The following KATNAL1 variants were observed in gnomAD, a reference collection of about 807,000 sequenced individuals.
The protein encoded by KATNAL1 is katanin catalytic subunit A1 like 1.
In KATNAL1, 32 loss-of-function variants were observed where a neutral mutation model predicts 55.2. That is an observed-to-expected ratio of 0.58 (90% CI 0.44 to 0.78). KATNAL1 has a LOEUF of 0.78. Among genes scored for constraint, KATNAL1 ranks in the 30% least tolerant of loss-of-function variants. The probability of loss-of-function intolerance (pLI) is 0.00; values close to 1 mark genes in which losing one functional copy is unlikely to be tolerated. For synonymous variants in KATNAL1, 193 were observed against 193.6 expected (o/e 1.00, Z 0.02); for missense variants, 466 against 600.9 (o/e 0.78, Z 2.35).
intron 3 of KATNAL1, among the ~76,000 whole-genome samples, chr13:30,275,360 G>T (rs1880764366): frequency 1.3e-5 from 2 of 152,134 alleles, no homozygotes; most frequent in African/African-American, 4.8e-5. Flanking sequence ...CATTACCAAG[G>T]AAATGGTACT....
intron 1 of KATNAL1, among the ~76,000 whole-genome samples, chr13:30,304,034 T>C (rs1593194942): frequency 6.6e-6 from 1 of 152,220 alleles, no homozygotes; most frequent in East Asian, 1.9e-4. Context: ...CTAAACTGTT[T>C]CAACTTCCCA....
chr13:30,298,612 G>A (rs546219109), intron 1 of KATNAL1, among the ~76,000 whole-genome samples: 2 of 152,096 alleles, frequency 1.3e-5, no homozygotes, highest in East Asian at 1.9e-4. Context: ...TAAAGACATA[G>A]GGACAAGAAA....
chr13:30,218,874 C>T (rs1325548599), intron 9 of KATNAL1, among the ~76,000 whole-genome samples: 2 of 152,170 alleles, frequency 1.3e-5, no homozygotes, highest in Non-Finnish European at 2.9e-5. Context: ...CAAACCATCT[C>T]CACTGTGCCC....
In KATNAL1 at chr13:30,274,890, T is replaced by TAC. The variant is rs201419619; in HGVS notation, c.323+5171_323+5172dup. ...TGGGGGCGGGGTGTGTGCACACACA[T>TAC]ACGCGCGCGCGCGCGCGCACACACA... On this transcript the variant is annotated intron_variant, in intron 3 of 10. Coordinates refer to ENST00000380615, the MANE Select transcript of KATNAL1 (RefSeq NM_032116.5). Among the ~76,000 whole-genome samples the TAC allele has an allele frequency of 1.2e-3, 90 of 77,028 alleles. 2 individuals carry two copies. The highest frequency in any genetic ancestry group is 2.0e-3 in the Non-Finnish European group (79 of 40,146). The allele number at this position is 77,028 out of a possible 152,430, so 50.5% of individuals were successfully genotyped here. A position where few individuals can be genotyped will look rare whatever the true frequency, so the allele number is the denominator to read the frequency against.
chr13:30,243,797 C>T (rs1038118076), intron 4 of KATNAL1, among the ~76,000 whole-genome samples: 1 of 152,108 alleles, frequency 6.6e-6, no homozygotes, highest in Non-Finnish European at 1.5e-5. Context: ...CATAGTCACA[C>T]GGATGTCTAA....
chr13:30,297,207 G>C (rs1447740803), intron 1 of KATNAL1, among the ~76,000 whole-genome samples: 1 of 151,384 alleles, frequency 6.6e-6, no homozygotes, highest in Non-Finnish European at 1.5e-5. Flanking sequence ...GGAGGAGTAG[G>C]AAGAGAGGAA....
intron 8 of KATNAL1, 67 bp downstream of exon 8, chr13:30,230,401 T>C (rs530346025): frequency 4.9e-6 from 7 of 1,437,538 alleles, no homozygotes; most frequent in African/African-American, 1.4e-5. Context: ...AATCCATCCA[T>C]TGATTATGAG....
rs1159717402 is a variant in KATNAL1, at chr13:30,250,512, T to A, written c.492+4935A>T. On this transcript the variant is annotated intron_variant, in intron 4 of 10. Coordinates refer to ENST00000380615, the MANE Select transcript of KATNAL1 (RefSeq NM_032116.5). ...AAAAAAGTATACAATTTGTGCACTTTTCTTCAGTAGAAATATTTTCTATGA... is the reference window on the plus strand; with the variant it reads ...AAAAAAGTATACAATTTGTGCACTTATCTTCAGTAGAAATATTTTCTATGA... Among the ~76,000 whole-genome samples, 3 of 152,240 alleles carry A rather than the reference T, an allele frequency of 2.0e-5. No individual in the cohort carries two copies. In the East Asian group the frequency reaches 5.8e-4, roughly 29 times the overall value.
intron 3 of KATNAL1, among the ~76,000 whole-genome samples, chr13:30,263,804 G>A (rs879483876): frequency 0.016 from 2,283 of 140,700 alleles, 26 homozygotes; most frequent in Non-Finnish European, 0.027. Context: ...TACTGCCCAA[G>A]GTAATTTACA....
At chr13:30,260,011 C>G (rs139338512) in intron 3 of KATNAL1, among the ~76,000 whole-genome samples, 1 of 152,182 alleles carries the variant, frequency 6.6e-6, no homozygotes, top group Non-Finnish European at 1.5e-5. Context: ...TCTCCCAGCA[C>G]GCAGCTGGAG....
At chr13:30,277,467 C>T (rs919613500) in intron 3 of KATNAL1, among the ~76,000 whole-genome samples, 2 of 152,176 alleles carry the variant, frequency 1.3e-5, no homozygotes, top group African/African-American at 4.8e-5. Flanking sequence ...AACGTCTTTC[C>T]ATTAAACCAA....
chr13:30,291,139 A>C (rs1335086956), intron 1 of KATNAL1, among the ~76,000 whole-genome samples: 1 of 152,250 alleles, frequency 6.6e-6, no homozygotes. Flanking sequence ...AGATTGGAAA[A>C]GAAGTAAAGC....
chr13:30,255,648 A>G (rs781433038), intron 3 of KATNAL1, 33 bp from the exon 4 acceptor site: 1 of 1,371,392 alleles, frequency 7.3e-7, no homozygotes, highest in South Asian at 2.1e-5. Flanking sequence ...AATTAAAATT[A>G]AAATTAAAAT....
In KATNAL1 at chr13:30,283,689, T is replaced by C. The variant is rs374648576; in HGVS notation, c.89A>G (p.Gln30Arg). Residue 30 changes from glutamine (Q) to arginine (R), a missense_variant, in exon 2 of 11, where the codon CAG becomes CGG. Coordinates refer to ENST00000380615, the MANE Select transcript of KATNAL1 (RefSeq NM_032116.5). ...GNYDSSMVYY[Q>R]GVMQQIQRHC... ...TCTCTGAATCTGCTGCATCACCCCC[T>C]GGTAATATACCATTGATGAGTCGTA... 1 of 1,614,110 alleles carries C rather than the reference T, an allele frequency of 6.2e-7. No homozygotes were observed. The highest frequency in any genetic ancestry group is 1.1e-5 in the South Asian group (1 of 91,074).
At chr13:30,287,404 T>C (rs150377231) in intron 1 of KATNAL1, among the ~76,000 whole-genome samples, 3,580 of 152,294 alleles carry the variant, frequency 0.024, 131 homozygotes, top group African/African-American at 0.08. Context: ...ATTCATTCTC[T>C]CTCCTGCAGC....
chr13:30,233,031 G>T (rs977381156), intron 6 of KATNAL1, among the ~76,000 whole-genome samples: 1 of 152,064 alleles, frequency 6.6e-6, no homozygotes, highest in Non-Finnish European at 1.5e-5. Flanking sequence ...AAAACACTGG[G>T]GAAATGCTAC....
intron 9 of KATNAL1, among the ~76,000 whole-genome samples, chr13:30,222,608 A>G (rs1053966724): frequency 6.6e-6 from 1 of 152,200 alleles, no homozygotes; most frequent in African/African-American, 2.4e-5. Context: ...AACTGCTAAA[A>G]TAAATATAGT....
At chr13:30,265,406 A>T (rs1002881025) in intron 3 of KATNAL1, among the ~76,000 whole-genome samples, 26 of 105,566 alleles carry the variant, frequency 2.5e-4, no homozygotes, top group African/African-American at 7.4e-4. Context: ...AAATAAAAAA[A>T]TTAAAAAAAA....
At chr13:30,220,892 G>C (rs942945825) in intron 9 of KATNAL1, among the ~76,000 whole-genome samples, 2 of 150,618 alleles carry the variant, frequency 1.3e-5, no homozygotes, top group Non-Finnish European at 3.0e-5. Context: ...TAGAGACAGG[G>C]TTTCTCATAT....
Sources: gnomAD v4.1 joint callset for allele counts (sites outside exome capture counted in the v4.1 genomes callset) on GRCh38, gnomAD v4.1.1 for gene constraint, MANE v1.5 for transcripts, NCBI Gene and HGNC (gene_info 2026-07-23, HGNC 2026-07-21) for gene names.